NHS: variants seen among roughly 807,000 people sequenced by gnomAD.
The protein encoded by NHS is NHS actin remodeling regulator.
NHS carries 5 observed loss-of-function variants against 72.5 expected under a neutral mutation model. That is an observed-to-expected ratio of 0.07 (90% confidence interval 0.04 to 0.14). The LOEUF is 0.14. NHS is among the 10% of genes least tolerant of loss of function. The pLI is 1.00. For synonymous variants in NHS, 464 were observed against 547.7 expected, an observed-to-expected ratio of 0.85 and a Z score of 2.13; for missense variants, 1,072 against 1,355.7, an observed-to-expected ratio of 0.79 and a Z score of 3.29.
intron 1 of NHS, among the ~76,000 whole-genome samples, chrX:17,482,544 C>A (rs988978443): frequency 4.5e-5 from 5 of 112,234 alleles, no homozygotes; most frequent in African/African-American, 1.6e-4. Flanking sequence ...GCAGAATATT[C>A]GTGATTGGTA....
At chrX:17,492,976 C>T (rs890914875) in intron 1 of NHS, among the ~76,000 whole-genome samples, 2 of 112,252 alleles carry the variant, frequency 1.8e-5, no homozygotes, top group Admixed American at 9.4e-5. Flanking sequence ...TACATGGTGA[C>T]TTGTAAGTTC....
At chrX:17,394,820 T>C (rs2064464666) in intron 1 of NHS, among the ~76,000 whole-genome samples, 1 of 111,458 alleles carries the variant, frequency 9.0e-6, no homozygotes, top group South Asian at 3.9e-4. Context: ...TCTAAATGTG[T>C]TGAGGCAGAT....
chrX:17,417,631 T>C (rs965000587), intron 1 of NHS, among the ~76,000 whole-genome samples: 45 of 112,369 alleles, frequency 4.0e-4, no homozygotes, highest in African/African-American at 1.4e-3. Context: ...TACTAACTTA[T>C]GGCCTTCAGG....
chrX:17,485,767 C>T (rs746845311), intron 1 of NHS, among the ~76,000 whole-genome samples: 3 of 111,438 alleles, frequency 2.7e-5, no homozygotes, highest in South Asian at 7.7e-4. Flanking sequence ...CCTTTCCGAT[C>T]GTAGGTTTGT....
chrX:17,600,561 A>ATCGG (rs1361524816), intron 1 of NHS, among the ~76,000 whole-genome samples: 1 of 112,396 alleles, frequency 8.9e-6, no homozygotes, highest in Non-Finnish European at 1.9e-5. Context: ...GGACCTCTGA[A>ATCGG]TCCTTGCAGG....
chrX:17,671,177 G>A (rs1161558572), intron 1 of NHS, among the ~76,000 whole-genome samples: 1 of 112,632 alleles, frequency 8.9e-6, no homozygotes, highest in Non-Finnish European at 1.9e-5. Flanking sequence ...TCACTGGCAA[G>A]TCTTGGCAAG....
At chrX:17,663,433 T>C (rs2065992773) in intron 1 of NHS, among the ~76,000 whole-genome samples, 1 of 112,088 alleles carries the variant, frequency 8.9e-6, no homozygotes, top group African/African-American at 3.2e-5. Context: ...ATTTCTATCA[T>C]ATAGATTAGA....
chrX:17,535,553 G>T (rs2146946022), intron 1 of NHS, among the ~76,000 whole-genome samples: 1 of 111,060 alleles, frequency 9.0e-6, no homozygotes, highest in East Asian at 2.8e-4. Context: ...TTTCAGTCTG[G>T]GGAGTGGTGA....
In NHS at chrX:17,430,357, CTTCT is replaced by C. The variant is rs373725774; in HGVS notation, c.565+54047_565+54050del. Among the ~76,000 whole-genome samples the C allele has an allele frequency of 2.8e-3, 179 of 64,605 alleles. 2 individuals carry two copies. The highest frequency in any genetic ancestry group is 9.5e-3 in the African/African-American group (163 of 17,131). The allele number at this position is 64,605 out of a possible 115,157, so 56.1% of individuals were successfully genotyped here. A position where few individuals can be genotyped will look rare whatever the true frequency, so the allele number is the denominator to read the frequency against. ...TTCTTCTCTTTCTTTCTTTCTTTTT[CTTCT>C]TTCTTTCTTTCCTTCTTTCTTTCTT... is the stretch of plus-strand genomic sequence containing the variant. On this transcript the variant is annotated intron_variant, in intron 1 of 8. Transcript: ENST00000676302.
intron 1 of NHS, chrX:17,687,034 C>A (rs191354760): frequency 8.9e-6 from 1 of 112,423 alleles, no homozygotes; most frequent in African/African-American, 3.2e-5. Context: ...GGAAGCCTTC[C>A]TTCCTTGATC....
intron 2 of NHS, among the ~76,000 whole-genome samples, chrX:17,690,287 T>G (rs1184411735): frequency 8.9e-6 from 1 of 112,760 alleles, no homozygotes; most frequent in East Asian, 2.8e-4. Context: ...CATAATCTGC[T>G]TCTGCCATCT....
intron 1 of NHS, among the ~76,000 whole-genome samples, chrX:17,396,059 A>G (rs2064472976): frequency 8.9e-6 from 1 of 112,200 alleles, no homozygotes; most frequent in Admixed American, 9.4e-5. Context: ...GATACATTCC[A>G]AAGTTAAAAT....
rs772331254 is a variant in NHS, at chrX:17,601,691, T to C, written c.566-86051T>C. On this transcript the variant is annotated intron_variant, in intron 1 of 8. Transcript: ENST00000676302. Reference sequence around the variant, plus strand: ...TGGCTTGGATACTAGCAGTCTCATGTAGATTTTTCAAGTGGCTTAAGGAGC... The same window carrying C: ...TGGCTTGGATACTAGCAGTCTCATGCAGATTTTTCAAGTGGCTTAAGGAGC... Among the ~76,000 whole-genome samples, 4 of 111,983 alleles carry C rather than the reference T, an allele frequency of 3.6e-5. No homozygotes were observed. The East Asian group carries it at 1.1e-3, about 31-fold the overall frequency.
intron 1 of NHS, among the ~76,000 whole-genome samples, chrX:17,678,488 G>A (rs990459150): frequency 8.0e-5 from 9 of 111,904 alleles, no homozygotes; most frequent in South Asian, 3.7e-4. Flanking sequence ...AAAGCAAAGC[G>A]GAAGCAGGCT....
chrX:17,661,776 C>T (rs1345466559), intron 1 of NHS, among the ~76,000 whole-genome samples: 1 of 112,190 alleles, frequency 8.9e-6, no homozygotes, highest in East Asian at 2.8e-4. Context: ...TGGCTGACAG[C>T]TCACAGCTGC....
chrX:17,387,386 G>A (rs779233245), intron 1 of NHS, among the ~76,000 whole-genome samples: 9 of 111,710 alleles, frequency 8.1e-5, no homozygotes, highest in Non-Finnish European at 1.5e-4. Context: ...ATATATAATG[G>A]GTAAGGAGTT....
rs745987067 is a variant in NHS at position 17,658,277 on chromosome X, A to AT, written c.566-29460dup. ...GTTCTTGATTTGGTTGGATGATAGGATTTTTATTTTTTTTGGCAAGAATGC... is the reference window on the plus strand; with the variant it reads ...GTTCTTGATTTGGTTGGATGATAGGATTTTTTATTTTTTTTGGCAAGAATGC... On this transcript the variant is annotated intron_variant, in intron 1 of 8. Transcript: ENST00000676302. Among the ~76,000 whole-genome samples the AT allele has an allele frequency of 1.4e-3, 152 of 112,415 alleles. 1 individual carries two copies. Among genetic ancestry groups the AT allele is most frequent in the Middle Eastern group, 4.6e-3 (1 of 219 alleles).
intron 1 of NHS, among the ~76,000 whole-genome samples, chrX:17,429,265 T>C (rs113725126): frequency 0.015 from 1,605 of 107,922 alleles, 32 homozygotes; most frequent in African/African-American, 0.052. Flanking sequence ...TGTGCACACG[T>C]GCGCGCGCGC....
chrX:17,582,741 G>A (rs1361177087), intron 1 of NHS, among the ~76,000 whole-genome samples: 1 of 112,819 alleles, frequency 8.9e-6, no homozygotes, highest in Non-Finnish European at 1.9e-5. Flanking sequence ...CCTGCAGCAC[G>A]ACCTAGGTCA....
Sources: gnomAD v4.1 joint callset for allele counts (sites outside exome capture counted in the v4.1 genomes callset) on GRCh38, gnomAD v4.1.1 for gene constraint, MANE v1.5 for transcripts, NCBI Gene and HGNC (gene_info 2026-07-23, HGNC 2026-07-21) for gene names.